NOP58: variants seen among roughly 807,000 people sequenced by gnomAD.
NOP58 encodes the protein nucleolar protein 58.
NOP58 carries 44 observed loss-of-function variants against 71.2 expected under a neutral mutation model. The observed-to-expected ratio is 0.62, with a 90% CI of 0.49 to 0.79. The LOEUF (loss-of-function observed/expected upper bound fraction) is 0.79. NOP58 is among the 30% of genes least tolerant of loss of function. NOP58 has a pLI of 0.00. For missense variants in NOP58, 538 were observed against 620.2 expected (o/e 0.87, Z 1.41); for synonymous variants, 228 against 200.3 (o/e 1.14, Z -1.17).
chr2:202,293,242 T>G (rs1423415258), intron 9 of NOP58: 4 of 417,282 alleles, frequency 9.6e-6, no homozygotes, highest in Non-Finnish European at 1.9e-5. Flanking sequence ...AGACCTAGAT[T>G]TGAATACAGT....
In NOP58 at chr2:202,291,375, A is replaced by G. The variant is rs1025754716; in HGVS notation, c.780+105A>G. On this transcript the variant is annotated intron_variant, in intron 8 of 14. Coordinates refer to ENST00000264279, the MANE Select transcript of NOP58 (RefSeq NM_015934.5). ...TTACACTTATTGTTGTTCACCTGATAACATAAATATGAGGGTGTTCAGTCA... is the reference window on the plus strand; with the variant it reads ...TTACACTTATTGTTGTTCACCTGATGACATAAATATGAGGGTGTTCAGTCA... 31 of 806,780 alleles carry G rather than the reference A, an allele frequency of 3.8e-5. No homozygotes were observed. In the Admixed American group the frequency reaches 8.1e-4, roughly 21 times the overall value. The allele number at this position is 806,780 out of a possible 1,614,324, so 50.0% of individuals were successfully genotyped here. A position where few individuals can be genotyped will look rare whatever the true frequency, so the allele number is the denominator to read the frequency against.
chr2:202,303,613 C>T lies in NOP58; in HGVS notation c.*177C>T. On this transcript the variant is annotated 3_prime_UTR_variant, in exon 15 of 15. Transcript: ENST00000264279. Reference sequence around the variant, plus strand: ...ATCAACTCTGTTAACCTTATGTCATCATTTCTTAGAGTCTTTGATATACAA... The same window carrying T: ...ATCAACTCTGTTAACCTTATGTCATTATTTCTTAGAGTCTTTGATATACAA... 2 of 682,196 alleles carry T rather than the reference C, an allele frequency of 2.9e-6. No individual in the cohort carries two copies. Among genetic ancestry groups the T allele is most frequent in the Non-Finnish European group, 4.4e-6 (2 of 455,490 alleles). The allele number at this position is 682,196 out of a possible 1,614,324, so 42.3% of individuals were successfully genotyped here. A position where few individuals can be genotyped will look rare whatever the true frequency, so the allele number is the denominator to read the frequency against.
At chr2:202,300,550 A>C (rs990081693) in intron 13 of NOP58, among the ~76,000 whole-genome samples, 183 bp downstream of exon 13, 10 of 152,226 alleles carry the variant, frequency 6.6e-5, no homozygotes, top group African/African-American at 2.4e-4. Flanking sequence ...ATCAGACTGC[A>C]CAGAGGAAAT....
At chr2:202,279,106 C>T (rs140491783) in intron 3 of NOP58, among the ~76,000 whole-genome samples, 72 of 152,228 alleles carry the variant, frequency 4.7e-4, no homozygotes, top group African/African-American at 1.7e-3. Context: ...GGTAAGATTC[C>T]AAGCAAGATT....
Position 202,303,397 on chromosome 2 carries a change from A to G in NOP58, c.1551A>G (p.Lys517=). ...TTGGCTATTTTCAGAGTCCAGAGAA[A>G]AAGAAGAAAAAGAAAAAAAAGAGAG... is the stretch of plus-strand genomic sequence containing the variant. ...CTSTAIASPE[K]KKKKKKKREN... is the part of the protein sequence containing the mutation. Residue 517 remains lysine (K), a synonymous_variant, in exon 15 of 15, where the codon AAA becomes AAG. Coordinates refer to ENST00000264279, the MANE Select transcript of NOP58 (RefSeq NM_015934.5). 2 of 1,612,904 alleles carry G rather than the reference A, an allele frequency of 1.2e-6. No individual in the cohort carries two copies. The highest frequency in any genetic ancestry group is 1.7e-6 in the Non-Finnish European group (2 of 1,179,312).
At chr2:202,283,499 G>T (rs537324500) in intron 4 of NOP58, among the ~76,000 whole-genome samples, 55 of 149,050 alleles carry the variant, frequency 3.7e-4, no homozygotes, top group African/African-American at 1.3e-3. Context: ...GAAGTGCATT[G>T]GCTCAGTCTT....
intron 13 of NOP58, among the ~76,000 whole-genome samples, chr2:202,301,696 TATCCC>T (rs1387787482): frequency 1.3e-5 from 2 of 152,166 alleles, no homozygotes; most frequent in Non-Finnish European, 2.9e-5. Context: ...TCCATCCACT[TATCCC>T]ATCTGCCCTC....
At chr2:202,283,386 C>T (rs866125249) in intron 4 of NOP58, among the ~76,000 whole-genome samples, 43 of 152,056 alleles carry the variant, frequency 2.8e-4, no homozygotes, top group Admixed American at 1.8e-3. Context: ...CCCGCCAACA[C>T]GCCCTGGCCT....
intron 8 of NOP58, 110 bp from the exon 9 acceptor site, chr2:202,292,667 A>G (rs1688923506): frequency 2.4e-6 from 2 of 819,752 alleles, no homozygotes; most frequent in Non-Finnish European, 4.1e-6. Context: ...CCCAGTACCC[A>G]GGGTTGTGTA....
At chr2:202,276,349 A>T (rs1688589459) in intron 2 of NOP58, 3 of 296,884 alleles carry the variant, frequency 1.0e-5, no homozygotes, top group African/African-American at 6.6e-5. Context: ...CCAAAAAAAA[A>T]AAAAAAGATG....
At chr2:202,280,635 A>G (rs1244437897) in intron 3 of NOP58, among the ~76,000 whole-genome samples, 1 of 146,768 alleles carries the variant, frequency 6.8e-6, no homozygotes, top group Non-Finnish European at 1.5e-5. Flanking sequence ...CCTGGCCATC[A>G]TTTTTTTTTT....
chr2:202,274,226 TTTTG>T (rs1559259768), intron 1 of NOP58, among the ~76,000 whole-genome samples: 1 of 151,920 alleles, frequency 6.6e-6, no homozygotes, highest in Non-Finnish European at 1.5e-5. Flanking sequence ...TTTTTTTGTT[TTTTG>T]TTTTATTTTT....
chr2:202,290,886 A>G (rs1344571104), intron 7 of NOP58: 1 of 410,360 alleles, frequency 2.4e-6, no homozygotes, highest in Non-Finnish European at 4.3e-6. Flanking sequence ...GTTGTGGCAT[A>G]TTTTGTCCTC....
At position 202,275,186 on chromosome 2, in the gene NOP58, A is replaced by AAATGTAAGTACTCTG. The variant is rs1473439059; in HGVS notation, c.122+11_122+12insGAATGTAAGTACTCT. ...TTTGAAACTCCAGAGAAAGCAAACA[A>AAATGTAAGTACTCTG]AATGTAAGTACTCTTGAAATCAATA... is the stretch of plus-strand genomic sequence containing the variant. On this transcript the variant is annotated stop_gained and inframe_insertion, in exon 2 of 15. Transcript: ENST00000264279. LOFTEE classifies it high-confidence loss of function. The AAATGTAAGTACTCTG allele has an allele frequency of 3.3e-6, 5 of 1,511,750 alleles. No individual in the cohort carries two copies. In the Admixed American group the frequency reaches 5.6e-5, roughly 17 times the overall value. 93.6% of individuals were successfully genotyped at this position (1,511,750 alleles called of 1,614,324 possible).
intron 1 of NOP58, among the ~76,000 whole-genome samples, chr2:202,268,301 G>A (rs1179310384): frequency 2.6e-5 from 4 of 152,062 alleles, no homozygotes; most frequent in African/African-American, 4.8e-5. Flanking sequence ...TTGGGAGGCC[G>A]AGGCCGGCGG....
rs776669063 is a variant in NOP58, at chr2:202,292,863, G to T, written c.867G>T (p.Met289Ile). The T allele has an allele frequency of 4.3e-6, 7 of 1,614,020 alleles. No homozygotes were observed. The South Asian group carries it at 7.7e-5, about 18-fold the overall frequency. Residue 289 changes from methionine (M) to isoleucine (I), a missense_variant, in exon 9 of 15, where the codon ATG becomes ATT. By Grantham distance (10) the Met-to-Ile change is conservative. Transcript: ENST00000264279. Reference sequence around the variant, plus strand: ...CCATTGCACCCAATGTTACAGTCATGGTTGGGGAATTAGTTGGAGCACGGC... The same window carrying T: ...CCATTGCACCCAATGTTACAGTCATTGTTGGGGAATTAGTTGGAGCACGGC... Reference protein sequence around the residue: ...MMAIAPNVTVMVGELVGARLI... With the variant: ...MMAIAPNVTVIVGELVGARLI...
At chr2:202,291,941 A>G (rs922836481) in intron 8 of NOP58, among the ~76,000 whole-genome samples, 5 of 138,792 alleles carry the variant, frequency 3.6e-5, no homozygotes, top group Non-Finnish European at 6.2e-5. Context: ...TAAAAAGAGC[A>G]TGATACAAAT....
intron 1 of NOP58, among the ~76,000 whole-genome samples, chr2:202,270,439 C>A (rs1227979643): frequency 2.6e-5 from 4 of 152,172 alleles, no homozygotes; most frequent in Non-Finnish European, 4.4e-5. Flanking sequence ...TATTAACTTG[C>A]TCATATTGTC....
intron 1 of NOP58, among the ~76,000 whole-genome samples, chr2:202,271,050 C>G (rs143002148): frequency 3.3e-5 from 5 of 151,746 alleles, no homozygotes; most frequent in African/African-American, 4.8e-5. Context: ...CCTCTGCACT[C>G]CCCAGCCTGC....
Sources: allele counts gnomAD v4.1 joint callset (sites outside exome capture counted in the v4.1 genomes callset), GRCh38; gene constraint gnomAD v4.1.1; transcripts MANE v1.5; gene names NCBI Gene and HGNC (gene_info 2026-07-23, HGNC 2026-07-21).